ACOXL: variants seen among roughly 807,000 people sequenced by gnomAD.
The protein encoded by ACOXL is acyl-CoA oxidase like, also known as acyl-coenzyme A oxidase-like protein.
In ACOXL, 70 loss-of-function variants were observed where a neutral mutation model predicts 71.9. The observed-to-expected ratio is 0.97, with a 90% CI of 0.80 to 1.19. The LOEUF (loss-of-function observed/expected upper bound fraction) is 1.19. ACOXL is among the 50% of genes most tolerant of loss of function. ACOXL has a pLI of 0.00. For missense variants in ACOXL, 703 were observed against 736.3 expected (o/e 0.95, Z 0.52); for synonymous variants, 253 against 281.6 (o/e 0.90, Z 1.02).
At chr2:111,077,804 A>G (rs2067677675) in intron 16 of ACOXL, among the ~76,000 whole-genome samples, 1 of 152,208 alleles carries the variant, frequency 6.6e-6, no homozygotes, top group African/African-American at 2.4e-5. Context: ...TCCTAGAGGT[A>G]ATGCGTCAGT....
At chr2:110,946,876 A>G (rs796994727) in intron 12 of ACOXL, among the ~76,000 whole-genome samples, 9 of 152,272 alleles carry the variant, frequency 5.9e-5, no homozygotes, top group African/African-American at 1.7e-4. Flanking sequence ...TCCAGCTGAG[A>G]GAAGTGAGGT....
intron 10 of ACOXL, among the ~76,000 whole-genome samples, chr2:110,863,674 C>T (rs75464827): frequency 0.016 from 2,370 of 152,230 alleles, 30 homozygotes; most frequent in Middle Eastern, 0.058. Flanking sequence ...CATTCCATTC[C>T]TTAGGGCCAG....
chr2:111,093,062 A>T (rs371296043), intron 17 of ACOXL, 96 bp downstream of exon 17: 6 of 989,872 alleles, frequency 6.1e-6, no homozygotes, highest in Non-Finnish European at 1.5e-6. Flanking sequence ...ATCAGTTTCC[A>T]CTCATGGATT....
intron 16 of ACOXL, among the ~76,000 whole-genome samples, chr2:111,086,802 G>C (rs2068232256): frequency 6.6e-6 from 1 of 152,114 alleles, no homozygotes; most frequent in African/African-American, 2.4e-5. Context: ...GTCCTGGCCA[G>C]AGCAATGAGG....
Position 110,908,803 on chromosome 2 carries a change from G to T in ACOXL, c.803G>T (p.Gly268Val). ...ATTCCCTCTAGCCGGAGGCAGTTTG[G>T]GCCCAAAACCAAGGAAGAGGTGAAG... ...IRYSHSRRQF[G>V]PKTKEEVKII... is the part of the protein sequence containing the mutation. The change falls in exon 11 of 18, where the codon GGG becomes GTG. Residue 268 changes from glycine (G) to valine (V), a missense_variant. Coordinates refer to ENST00000439055, the MANE Select transcript of ACOXL (RefSeq NM_001142807.4). 1 of 1,613,948 alleles carries T rather than the reference G, an allele frequency of 6.2e-7. No homozygotes were observed. Among genetic ancestry groups the T allele is most frequent in the Non-Finnish European group, 8.5e-7 (1 of 1,179,908 alleles).
chr2:110,862,774 C>T (rs1419316434), intron 10 of ACOXL, among the ~76,000 whole-genome samples: 1 of 152,190 alleles, frequency 6.6e-6, no homozygotes, highest in East Asian at 1.9e-4. Flanking sequence ...CGAGTGAAAC[C>T]CCAAAGGCTC....
At chr2:111,021,178 A>G (rs1340960094) in intron 14 of ACOXL, among the ~76,000 whole-genome samples, 1 of 152,130 alleles carries the variant, frequency 6.6e-6, no homozygotes, top group Non-Finnish European at 1.5e-5. Context: ...CGAAGGGTAG[A>G]GGAGTGGGCC....
intron 1 of ACOXL, among the ~76,000 whole-genome samples, chr2:110,760,872 T>C (rs1382855423): frequency 6.6e-6 from 1 of 152,184 alleles, no homozygotes; most frequent in Non-Finnish European, 1.5e-5. Context: ...AATTTACCAA[T>C]ATTTTAATGG....
chr2:111,067,142 C>T (rs1285803268), intron 16 of ACOXL, among the ~76,000 whole-genome samples: 1 of 152,016 alleles, frequency 6.6e-6, no homozygotes, highest in African/African-American at 2.4e-5. Context: ...GTAAAAATAG[C>T]TTGAGTGGCA....
intron 12 of ACOXL, among the ~76,000 whole-genome samples, chr2:110,965,123 C>T (rs2061870422): frequency 6.6e-6 from 1 of 152,258 alleles, no homozygotes; most frequent in Non-Finnish European, 1.5e-5. Flanking sequence ...TAATGACCTC[C>T]AGTTCCATTC....
intron 12 of ACOXL, among the ~76,000 whole-genome samples, chr2:110,969,476 A>G (rs542921434): frequency 2.2e-4 from 33 of 152,308 alleles, no homozygotes; most frequent in Admixed American, 1.9e-3. Flanking sequence ...AATATCAGGA[A>G]TGAAACAGAA....
intron 8 of ACOXL, among the ~76,000 whole-genome samples, chr2:110,802,337 G>A (rs892444217): frequency 9.2e-5 from 14 of 152,178 alleles, no homozygotes; most frequent in African/African-American, 3.1e-4. Context: ...GGTTAATGAT[G>A]CTTTTCACAG....
chr2:111,116,381 G>A (rs1188334027), intron 17 of ACOXL, among the ~76,000 whole-genome samples: 1 of 152,162 alleles, frequency 6.6e-6, no homozygotes, highest in Non-Finnish European at 1.5e-5. Flanking sequence ...TTTCAGGGAA[G>A]ATGTATTGTT....
intron 14 of ACOXL, among the ~76,000 whole-genome samples, chr2:111,020,868 T>G (rs1344909511): frequency 6.6e-6 from 1 of 152,214 alleles, no homozygotes; most frequent in African/African-American, 2.4e-5. Context: ...CTGAGACTCC[T>G]CTGTAAAAGC....
intron 10 of ACOXL, among the ~76,000 whole-genome samples, chr2:110,876,309 C>A (rs901918211): frequency 5.9e-5 from 9 of 152,178 alleles, no homozygotes; most frequent in African/African-American, 2.2e-4. Flanking sequence ...TGAGGTGGGC[C>A]AGCCACGGTG....
chr2:110,986,038 A>C (rs1329298085), intron 12 of ACOXL, among the ~76,000 whole-genome samples: 2 of 152,226 alleles, frequency 1.3e-5, no homozygotes, highest in African/African-American at 4.8e-5. Context: ...TTGTCTGCTT[A>C]TATTGCTATC....
intron 12 of ACOXL, among the ~76,000 whole-genome samples, chr2:110,949,083 C>T (rs1404887174): frequency 6.6e-6 from 1 of 152,164 alleles, no homozygotes; most frequent in African/African-American, 2.4e-5. Flanking sequence ...GTGCTTGGGT[C>T]ATGAATAGCT....
At chr2:111,025,481 A>C (rs768640461) in intron 14 of ACOXL, among the ~76,000 whole-genome samples, 2 of 151,764 alleles carry the variant, frequency 1.3e-5, no homozygotes, top group Non-Finnish European at 2.9e-5. Flanking sequence ...CCTCACCAAT[A>C]CTCGGTTTTG....
intron 1 of ACOXL, among the ~76,000 whole-genome samples, chr2:110,737,720 C>T (rs1456395311): frequency 1.3e-5 from 2 of 152,242 alleles, no homozygotes; most frequent in African/African-American, 4.8e-5. Context: ...TTCCACCCCT[C>T]CTGCCCCTCA....
Sources: gnomAD v4.1 joint callset for allele counts (sites outside exome capture counted in the v4.1 genomes callset) on GRCh38, gnomAD v4.1.1 for gene constraint, MANE v1.5 for transcripts, NCBI Gene and HGNC (gene_info 2026-07-23, HGNC 2026-07-21) for gene names.